ZFYVE28: variants seen among roughly 807,000 people sequenced by gnomAD.
ZFYVE28 encodes the protein zinc finger FYVE-type containing 28.
A neutral mutation model predicts 82.1 loss-of-function variants in ZFYVE28; 40 were observed. The ratio of observed to expected loss-of-function variants is 0.49; its 90% CI spans 0.38 to 0.63. ZFYVE28 has a LOEUF of 0.63. Among genes scored for constraint, ZFYVE28 ranks in the 30% least tolerant of loss-of-function variants. ZFYVE28 has a pLI of 0.00. For synonymous variants in ZFYVE28, 612 were observed against 546.1 expected, an observed-to-expected ratio of 1.12 and a Z score of -1.68; for missense variants, 1,321 against 1,242.1, an observed-to-expected ratio of 1.06 and a Z score of -0.96.
chr4:2,396,910 G>A (rs866111841), intron 1 of ZFYVE28, among the ~76,000 whole-genome samples: 24 of 152,316 alleles, frequency 1.6e-4, no homozygotes, highest in East Asian at 9.6e-4. Context: ...CCTGAGCAGC[G>A]AGTCATGACC....
intron 8 of ZFYVE28, among the ~76,000 whole-genome samples, chr4:2,279,516 A>G (rs1415229832): frequency 1.3e-5 from 2 of 152,178 alleles, no homozygotes; most frequent in Admixed American, 6.5e-5. Context: ...GCAGTGGCTC[A>G]CACCTGTAAT....
intron 4 of ZFYVE28, among the ~76,000 whole-genome samples, chr4:2,337,905 C>A (rs1356112174): frequency 3.9e-5 from 6 of 152,166 alleles, no homozygotes; most frequent in Non-Finnish European, 8.8e-5. Context: ...ACCACCATCC[C>A]ATTTCGGCAG....
At chr4:2,411,838 C>T (rs891184122) in intron 1 of ZFYVE28, among the ~76,000 whole-genome samples, 1 of 152,208 alleles carries the variant, frequency 6.6e-6, no homozygotes, top group African/African-American at 2.4e-5. Flanking sequence ...CGCTGCCACC[C>T]GAGCCCTGGA....
intron 8 of ZFYVE28, among the ~76,000 whole-genome samples, chr4:2,299,805 G>T (rs1715234371): frequency 6.6e-6 from 1 of 150,946 alleles, no homozygotes. Context: ...TATTTGTTTT[G>T]TTTTTTAAAA....
intron 7 of ZFYVE28, among the ~76,000 whole-genome samples, chr4:2,314,872 G>C (rs1378995482): frequency 1.3e-5 from 2 of 152,094 alleles, no homozygotes; most frequent in African/African-American, 4.8e-5. Flanking sequence ...TCAAACTCCT[G>C]GGCTCAAATG....
chr4:2,372,578 C>A lies in ZFYVE28; in HGVS notation c.40-18505G>T, dbSNP rs570409116. Among the ~76,000 whole-genome samples, 625 of 151,912 alleles carry A rather than the reference C, an allele frequency of 4.1e-3. 3 individuals are homozygous for A. The highest frequency in any genetic ancestry group is 0.02 in the Middle Eastern group (6 of 294). On this transcript the variant is annotated intron_variant, in intron 1 of 12. Coordinates refer to ENST00000290974, the MANE Select transcript of ZFYVE28 (RefSeq NM_020972.3). The surrounding 1 kb of genome is among the most constrained non-coding windows in gnomAD (Gnocchi z 5.2). ...CATGTGGGAGGGGTACACAGAGGTG[C>A]GGGCAGGCAGGGGTGCTGGGGTTCT...
intron 1 of ZFYVE28, among the ~76,000 whole-genome samples, chr4:2,356,497 A>C (rs1429961884): frequency 6.7e-6 from 1 of 148,718 alleles, no homozygotes; most frequent in African/African-American, 2.5e-5. Context: ...AGAGACACAG[A>C]GATGGACGGT....
At chr4:2,360,137 C>T (rs1725916575) in intron 1 of ZFYVE28, among the ~76,000 whole-genome samples, 1 of 152,098 alleles carries the variant, frequency 6.6e-6, no homozygotes, top group Admixed American at 6.5e-5. Flanking sequence ...GGGAAAGGGG[C>T]ATCCTGAACA....
At chr4:2,365,118 A>C (rs937629554) in intron 1 of ZFYVE28, among the ~76,000 whole-genome samples, 1 of 125,686 alleles carries the variant, frequency 8.0e-6, no homozygotes, top group African/African-American at 3.1e-5. Context: ...CAGCGTGGGG[A>C]GAGAGGGGCC....
intron 1 of ZFYVE28, among the ~76,000 whole-genome samples, chr4:2,390,384 G>A (rs993981666): frequency 3.9e-5 from 6 of 152,118 alleles, no homozygotes; most frequent in Non-Finnish European, 7.4e-5. Flanking sequence ...TGTTGGTGAC[G>A]GCCACAGGAA....
intron 1 of ZFYVE28, among the ~76,000 whole-genome samples, chr4:2,392,843 CT>C (rs1729981334): frequency 6.6e-6 from 1 of 152,230 alleles, no homozygotes; most frequent in Non-Finnish European, 1.5e-5. Context: ...AGAGGCTCAG[CT>C]TTGGCCCTGT....
intron 1 of ZFYVE28, among the ~76,000 whole-genome samples, chr4:2,391,738 CTCT>C (rs1245002265): frequency 2.9e-5 from 4 of 139,764 alleles, no homozygotes; most frequent in African/African-American, 5.3e-5. Context: ...AATTCTCTCT[CTCT>C]TTTTTTTTTT....
chr4:2,335,919 G>T lies in ZFYVE28; in HGVS notation c.612-125C>A. On this transcript the variant is annotated intron_variant, in intron 5 of 12. Transcript: ENST00000290974. This position sits in a 1 kb window ranked among gnomAD's most constrained non-coding sequence, Gnocchi z 5.8. Reference sequence around the variant, plus strand: ...CAGCCACGCGTGGTGGCCACGTCAAGAGGTGACACATGCCACCCCCAGTCC... The same window carrying T: ...CAGCCACGCGTGGTGGCCACGTCAATAGGTGACACATGCCACCCCCAGTCC... 1 of 740,818 alleles carries T rather than the reference G, an allele frequency of 1.3e-6. No individual in the cohort carries two copies. Among genetic ancestry groups the T allele is most frequent in the Non-Finnish European group, 2.3e-6 (1 of 431,560 alleles). 45.9% of individuals were successfully genotyped at this position (740,818 alleles called of 1,614,324 possible).
chr4:2,333,658 C>A (rs961751636), intron 6 of ZFYVE28, among the ~76,000 whole-genome samples: 1 of 152,122 alleles, frequency 6.6e-6, no homozygotes, highest in African/African-American at 2.4e-5. Flanking sequence ...GGTGCCACAC[C>A]TCAAAGCACT....
intron 8 of ZFYVE28, among the ~76,000 whole-genome samples, chr4:2,303,614 C>A (rs766787536): frequency 3.2e-4 from 49 of 152,154 alleles, no homozygotes; most frequent in Non-Finnish European, 5.1e-4. Flanking sequence ...CCCTGCCTTT[C>A]CCTCCCTGTC....
At position 2,270,866 on chromosome 4, in the gene ZFYVE28, G is replaced by A. The variant is rs1267053238; in HGVS notation, c.2533-10C>T. On this transcript the variant is annotated splice_polypyrimidine_tract_variant and intron_variant, in intron 12 of 12. Coordinates refer to ENST00000290974, the MANE Select transcript of ZFYVE28 (RefSeq NM_020972.3). ...AGCGCGAGCAGAAGATCTGGAATGG[G>A]GTTGGGGCAGTGAGGGTCTGCGGCA... is the stretch of plus-strand genomic sequence containing the variant. 2 of 1,612,198 alleles carry A rather than the reference G, an allele frequency of 1.2e-6. No individual in the cohort carries two copies. Among genetic ancestry groups the A allele is most frequent in the East Asian group, 4.5e-5 (2 of 44,878 alleles).
chr4:2,402,956 C>A (rs1164251544), intron 1 of ZFYVE28, among the ~76,000 whole-genome samples: 2 of 152,260 alleles, frequency 1.3e-5, no homozygotes, highest in Non-Finnish European at 2.9e-5. Context: ...TACCACCCAT[C>A]CAGCACCCTC....
At chr4:2,346,357 A>C (rs1723594356) in intron 2 of ZFYVE28, among the ~76,000 whole-genome samples, 1 of 151,296 alleles carries the variant, frequency 6.6e-6, no homozygotes, top group Non-Finnish European at 1.5e-5. Context: ...AAAAAAAAGA[A>C]AGAAAGAAAG....
chr4:2,304,435 C>T lies in ZFYVE28; in HGVS notation c.1905G>A (p.Leu635=). Residue 635 remains leucine, a synonymous_variant, in exon 8 of 13, where the codon CTG becomes CTA. Transcript: ENST00000290974. ...CCACCTGGGAACCTGAGGTGTGAGG[C>T]AGGCACTTGTCGGAAGTGGGGGCTT... ...EPKAPTSDKC[L]PHTSGSQVDT... is the part of the protein sequence containing the mutation. 1 of 1,613,684 alleles carries T rather than the reference C, an allele frequency of 6.2e-7. No homozygotes were observed.
Sources: gnomAD v4.1 joint callset for allele counts (sites outside exome capture counted in the v4.1 genomes callset) on GRCh38, gnomAD v4.1.1 for gene constraint, Gnocchi (gnomAD v3.1) non-coding constraint, MANE v1.5 for transcripts, NCBI Gene and HGNC (gene_info 2026-07-23, HGNC 2026-07-21) for gene names.